INPP5B: variants seen among roughly 807,000 people sequenced by gnomAD.
INPP5B encodes the protein type II inositol 1,4,5-trisphosphate 5-phosphatase.
In INPP5B, 90 loss-of-function variants were observed where a neutral mutation model predicts 118.5. That is an observed-to-expected ratio of 0.76 (90% confidence interval 0.64 to 0.90). The LOEUF is 0.90. Among genes scored for constraint, INPP5B ranks in the 40% least tolerant of loss-of-function variants. The pLI is 0.00. For synonymous variants in INPP5B, 385 were observed against 418.9 expected (o/e 0.92, Z 0.99); for missense variants, 984 against 1,125.6 (o/e 0.87, Z 1.80).
In INPP5B at chr1:37,876,703, C is replaced by CAAAAA. The variant is rs754849945; in HGVS notation, c.1678-992_1678-988dup. On this transcript the variant is annotated intron_variant, in intron 16 of 23. Coordinates refer to ENST00000373024, the MANE Select transcript of INPP5B (RefSeq NM_005540.3). ...TGAAACCCCGTCTCTACTAAAAATA[C>CAAAAA]AAAAAAAAAAAAAAAAAAAACCATT... Among the ~76,000 whole-genome samples the CAAAAA allele has an allele frequency of 5.0e-4, 40 of 80,774 alleles. 2 individuals are homozygous for CAAAAA. Among genetic ancestry groups the CAAAAA allele is most frequent in the South Asian group, 1.8e-3 (4 of 2,274 alleles). 53.0% of individuals were successfully genotyped at this position (80,774 alleles called of 152,430 possible).
chr1:37,873,390 G>C, intron 18 of INPP5B: 1 of 546,034 alleles, frequency 1.8e-6, no homozygotes, highest in Non-Finnish European at 3.3e-6. Context: ...CATTTGAATA[G>C]ACAAATGCTA....
chr1:37,890,974 C>CCAGCACTTTGGGAAG (rs1261290038), intron 8 of INPP5B, among the ~76,000 whole-genome samples: 1 of 152,130 alleles, frequency 6.6e-6, no homozygotes, highest in Non-Finnish European at 1.5e-5. Flanking sequence ...TGCCTGTAAT[C>CCAGCACTTTGGGAAG]CCAGCACTTT....
intron 7 of INPP5B, among the ~76,000 whole-genome samples, chr1:37,905,758 T>G (rs1644482405): frequency 6.6e-6 from 1 of 152,260 alleles, no homozygotes; most frequent in Non-Finnish European, 1.5e-5. Context: ...CATGCAAAGC[T>G]GAAATGTTCA....
chr1:37,923,395 A>T (rs977701148), intron 7 of INPP5B, among the ~76,000 whole-genome samples: 1 of 152,262 alleles, frequency 6.6e-6, no homozygotes, highest in Non-Finnish European at 1.5e-5. Flanking sequence ...GGCTGAGGTC[A>T]GGCAGTGCAG....
At chr1:37,918,855 T>A (rs1444145796) in intron 7 of INPP5B, among the ~76,000 whole-genome samples, 3 of 152,156 alleles carry the variant, frequency 2.0e-5, no homozygotes, top group Non-Finnish European at 4.4e-5. Flanking sequence ...TCTCCATCAC[T>A]CCTAATCCCC....
intron 23 of INPP5B, 99 bp from the exon 24 acceptor site, chr1:37,862,529 T>A: frequency 1.3e-6 from 1 of 771,114 alleles, no homozygotes; most frequent in Non-Finnish European, 2.3e-6. Flanking sequence ...AATGTGTCAT[T>A]AGGTGATTTC....
At chr1:37,893,048 G>A (rs933085668) in intron 7 of INPP5B, among the ~76,000 whole-genome samples, 1 of 146,536 alleles carries the variant, frequency 6.8e-6, no homozygotes, top group Non-Finnish European at 1.5e-5. Context: ...TTGTTTTGTG[G>A]TGTTTTTCCT....
At chr1:37,926,186 C>A (rs566436166) in intron 7 of INPP5B, among the ~76,000 whole-genome samples, 1 of 152,320 alleles carries the variant, frequency 6.6e-6, no homozygotes, top group South Asian at 2.1e-4. Context: ...AAATAGCATT[C>A]ATTTCCTTTC....
chr1:37,944,599 T>C (rs1372873413), intron 3 of INPP5B, among the ~76,000 whole-genome samples: 2 of 117,560 alleles, frequency 1.7e-5, no homozygotes, highest in East Asian at 2.0e-4. Context: ...TTTTTTCTTG[T>C]TTTTTTTTTT....
intron 7 of INPP5B, among the ~76,000 whole-genome samples, chr1:37,911,804 C>T (rs1382581467): frequency 6.6e-6 from 1 of 152,146 alleles, no homozygotes; most frequent in African/African-American, 2.4e-5. Context: ...CCAAAGGAAG[C>T]TGGAGTCATT....
At chr1:37,921,266 C>T (rs1645044135) in intron 7 of INPP5B, among the ~76,000 whole-genome samples, 2 of 152,128 alleles carry the variant, frequency 1.3e-5, no homozygotes, top group Non-Finnish European at 2.9e-5. Flanking sequence ...AGACTTCAAA[C>T]GCCATGTAGA....
chr1:37,866,330 A>G (rs1182461807), intron 21 of INPP5B, 129 bp downstream of exon 21: 6 of 607,074 alleles, frequency 9.9e-6, no homozygotes, highest in African/African-American at 1.8e-5. Flanking sequence ...TGAGGATACA[A>G]TATCAGATTT....
At chr1:37,943,564 C>A in intron 5 of INPP5B, 76 bp downstream of exon 5, 2 of 1,530,938 alleles carry the variant, frequency 1.3e-6, no homozygotes, top group Non-Finnish European at 1.8e-6. Context: ...GGTGCTCTTA[C>A]TTTACACCAT....
intron 7 of INPP5B, among the ~76,000 whole-genome samples, chr1:37,892,657 G>T (rs778031193): frequency 3.9e-5 from 6 of 152,148 alleles, no homozygotes; most frequent in African/African-American, 1.4e-4. Context: ...TTTGAAAAAA[G>T]AAAGCATAAT....
At chr1:37,879,318 C>T (rs1175274556) in intron 15 of INPP5B, among the ~76,000 whole-genome samples, 3 of 151,614 alleles carry the variant, frequency 2.0e-5, no homozygotes, top group African/African-American at 7.3e-5. Context: ...TGAATTCCCA[C>T]TGCCTGGGTT....
At chr1:37,946,096 G>A (rs1646100933) in intron 2 of INPP5B, among the ~76,000 whole-genome samples, 156 bp downstream of exon 2, 1 of 152,222 alleles carries the variant, frequency 6.6e-6, no homozygotes, top group Non-Finnish European at 1.5e-5. Flanking sequence ...GCATTTGGCT[G>A]AGAGTCCAGG....
intron 5 of INPP5B, among the ~76,000 whole-genome samples, chr1:37,942,911 AAGAGAG>A (rs376627170): frequency 6.1e-5 from 9 of 147,008 alleles, no homozygotes; most frequent in South Asian, 2.2e-4. Flanking sequence ...TCTGTCAAGA[AAGAGAG>A]AGAGAGAGAG....
At chr1:37,946,086 G>T (rs1646100439) in intron 2 of INPP5B, among the ~76,000 whole-genome samples, 166 bp downstream of exon 2, 1 of 152,206 alleles carries the variant, frequency 6.6e-6, no homozygotes, top group Admixed American at 6.5e-5. Flanking sequence ...CGTATTTAAA[G>T]CATTTGGCTG....
At chr1:37,880,019 G>A in intron 15 of INPP5B, 66 bp downstream of exon 15, 1 of 1,019,466 alleles carries the variant, frequency 9.8e-7, no homozygotes, top group Non-Finnish European at 1.5e-6. Flanking sequence ...GGTCCAAAAG[G>A]GCAAGTACTT....
Sources: allele counts gnomAD v4.1 joint callset (sites outside exome capture counted in the v4.1 genomes callset), GRCh38; gene constraint gnomAD v4.1.1; transcripts MANE v1.5; gene names NCBI Gene and HGNC (gene_info 2026-07-23, HGNC 2026-07-21).